TOPAZ1: variants seen among roughly 807,000 people sequenced by gnomAD.
The protein encoded by TOPAZ1 is testis and ovary specific TOPAZ 1.
TOPAZ1 carries 66 observed loss-of-function variants against 172.2 expected under a neutral mutation model. The observed-to-expected ratio is 0.38, with a 90% confidence interval of 0.31 to 0.47. TOPAZ1 has a LOEUF of 0.47. Ranked by LOEUF, TOPAZ1 falls within the 20% of genes least tolerant of loss-of-function variation. The pLI is 0.99. For missense variants in TOPAZ1, 1,822 were observed against 1,972.4 expected, an observed-to-expected ratio of 0.92 and a Z score of 1.44; for synonymous variants, 681 against 683.9, an observed-to-expected ratio of 1.00 and a Z score of 0.07.
chr3:44,277,587 G>A (rs1699974345), intron 8 of TOPAZ1, among the ~76,000 whole-genome samples: 1 of 152,128 alleles, frequency 6.6e-6, no homozygotes, highest in Admixed American at 6.5e-5. Flanking sequence ...GTTAGCTGCA[G>A]GTTTGCCTTA....
intron 12 of TOPAZ1, among the ~76,000 whole-genome samples, chr3:44,298,906 TATA>T (rs1312779622): frequency 3.7e-4 from 5 of 13,548 alleles, no homozygotes; most frequent in African/African-American, 2.0e-3. Context: ...TATATATATA[TATA>T]TTTTTTTTTT....
At chr3:44,286,942 G>A (rs1200900569) in intron 9 of TOPAZ1, among the ~76,000 whole-genome samples, 1 of 152,178 alleles carries the variant, frequency 6.6e-6, no homozygotes, top group African/African-American at 2.4e-5. Context: ...TCCATGACAA[G>A]GCAGGGAGAA....
At chr3:44,274,007 C>T (rs1158459304) in intron 8 of TOPAZ1, among the ~76,000 whole-genome samples, 3 of 152,028 alleles carry the variant, frequency 2.0e-5, no homozygotes, top group East Asian at 1.9e-4. Context: ...AGGCCCAGCG[C>T]GGTGGCTCAT....
At chr3:44,293,820 G>A (rs1700166286) in intron 12 of TOPAZ1, among the ~76,000 whole-genome samples, 1 of 152,194 alleles carries the variant, frequency 6.6e-6, no homozygotes, top group Admixed American at 6.5e-5. Context: ...TTGCAGGTTG[G>A]TAGCCTAGGA....
Position 44,242,922 on chromosome 3 carries a change from A to C in TOPAZ1, c.416A>C (p.Lys139Thr). The change falls in exon 2 of 20, where the codon AAG becomes ACG. Residue 139 changes from lysine to threonine, a missense_variant. Lys to Thr is a moderately conservative substitution (Grantham distance 78). This residue lies in a region of TOPAZ1 where 1,489 missense variants were observed against 1,490.8 expected (regional missense o/e 1.00). Transcript: ENST00000309765. ...DPQPGLDLVR[K>T]ESLTSSESFQ... ...CAGCCAGGGCTTGACTTGGTAAGAA[A>C]GGAATCATTAACCAGTTCGGAATCT... The C allele has an allele frequency of 6.5e-7, 1 of 1,546,502 alleles. No homozygotes were observed. The highest frequency in any genetic ancestry group is 2.4e-5 in the East Asian group (1 of 40,888).
At position 44,244,982 on chromosome 3, in the gene TOPAZ1, CA is replaced by C; in HGVS notation, c.2478del (p.Glu827LysfsTer15). On this transcript the variant is annotated frameshift_variant, in exon 2 of 20. Transcript: ENST00000309765. LOFTEE classifies it high-confidence loss of function. ...AAGTCCTTCCTTCTGCTGTAATGAA[CA>C]AGAAACATTCCGACCAGTGTCCAGT... ...EKSPSFCCNE[Q>X]ETFRPVSSEV... 1 of 1,551,664 alleles carries C rather than the reference CA, an allele frequency of 6.4e-7. No homozygotes were observed. Among genetic ancestry groups the C allele is most frequent in the Non-Finnish European group, 8.7e-7 (1 of 1,146,988 alleles).
chr3:44,242,395 A>G lies in TOPAZ1; in HGVS notation c.342A>G (p.Arg114=), dbSNP rs762900653. 6.4e-7 allele frequency: 1 copy of G among 1,552,326 alleles called. No individual in the cohort carries two copies. The highest frequency in any genetic ancestry group is 1.2e-5 in the South Asian group (1 of 84,056). Residue 114 remains arginine, a synonymous_variant, in exon 1 of 20, where the codon AGA becomes AGG. Transcript: ENST00000309765. ...CTGAACTCCCCTTGCAAACGGAAAG[A>G]CACAGTAAGAAAGCATCCACGATCA... The part of the protein sequence containing the change: ...KEAELPLQTE[R]HTKEKRKVTE...
chr3:44,245,398 T>C, intron 2 of TOPAZ1, 127 bp downstream of exon 2: 1 of 958,050 alleles, frequency 1.0e-6, no homozygotes, highest in South Asian at 2.3e-5. Flanking sequence ...ATTTATTAAA[T>C]GTTATATACC....
chr3:44,290,613 T>C (rs1341288948), intron 11 of TOPAZ1, among the ~76,000 whole-genome samples, 158 bp from the exon 12 acceptor site: 2 of 152,246 alleles, frequency 1.3e-5, no homozygotes, highest in South Asian at 2.1e-4. Flanking sequence ...AGGATATCTT[T>C]TTGTGGTTCT....
At chr3:44,299,993 C>A (rs1700251005) in intron 12 of TOPAZ1, among the ~76,000 whole-genome samples, 1 of 150,814 alleles carries the variant, frequency 6.6e-6, no homozygotes, top group Non-Finnish European at 1.5e-5. Flanking sequence ...AGGAGATATA[C>A]CTAATGCTAA....
chr3:44,259,685 A>T (rs1008366989), intron 4 of TOPAZ1, among the ~76,000 whole-genome samples: 4 of 152,174 alleles, frequency 2.6e-5, no homozygotes, highest in African/African-American at 9.6e-5. Flanking sequence ...GATTGCTTTG[A>T]TTTATACTTT....
intron 16 of TOPAZ1, among the ~76,000 whole-genome samples, chr3:44,311,370 A>C (rs373540953): frequency 5.3e-5 from 8 of 152,296 alleles, no homozygotes; most frequent in African/African-American, 1.9e-4. Context: ...CTGTGAAGAA[A>C]GAAGCGATGT....
At chr3:44,314,313 T>C (rs1158053352) in intron 16 of TOPAZ1, among the ~76,000 whole-genome samples, 1 of 152,218 alleles carries the variant, frequency 6.6e-6, no homozygotes, top group Admixed American at 6.5e-5. Context: ...TTGGTCTGTT[T>C]TCTGAATTTA....
intron 18 of TOPAZ1, among the ~76,000 whole-genome samples, chr3:44,327,117 C>T (rs865860947): frequency 6.6e-6 from 1 of 152,108 alleles, no homozygotes; most frequent in South Asian, 2.1e-4. Context: ...AAAAGCCCCT[C>T]GTCTATAACA....
At chr3:44,311,185 T>A (rs538836689) in intron 16 of TOPAZ1, among the ~76,000 whole-genome samples, 1 of 152,250 alleles carries the variant, frequency 6.6e-6, no homozygotes, top group South Asian at 2.1e-4. Context: ...ATAAAATATC[T>A]TGTATATGTT....
chr3:44,271,188 T>C (rs1699893948), intron 8 of TOPAZ1, among the ~76,000 whole-genome samples: 1 of 152,204 alleles, frequency 6.6e-6, no homozygotes, highest in African/African-American at 2.4e-5. Flanking sequence ...TGCTGTGTCA[T>C]AGGGTCTGCA....
intron 9 of TOPAZ1, 70 bp downstream of exon 9, chr3:44,282,101 C>A: frequency 1.8e-6 from 2 of 1,081,932 alleles, no homozygotes; most frequent in South Asian, 3.1e-5. Context: ...AAAGTAAATT[C>A]AATAATTTGT....
Position 44,243,827 on chromosome 3 carries a change from G to C in TOPAZ1, c.1321G>C (p.Ala441Pro). 1 of 1,551,694 alleles carries C rather than the reference G, an allele frequency of 6.4e-7. No individual in the cohort carries two copies. Among genetic ancestry groups the C allele is most frequent in the Non-Finnish European group, 8.7e-7 (1 of 1,146,978 alleles). The change falls in exon 2 of 20, where the codon GCA becomes CCA. Residue 441 changes from alanine to proline, a missense_variant. Around this residue, in one of 2 missense-constraint regions of TOPAZ1, gnomAD observed 1,489 missense variants for 1,490.8 expected, o/e 1.00. Coordinates refer to ENST00000309765, the MANE Select transcript of TOPAZ1 (RefSeq NM_001145030.2). The part of the protein sequence containing the change: ...ASEPLGYESM[A>P]SKEDFKSMKS... ...AGAGCCGTTAGGTTATGAAAGCATGGCATCGAAAGAGGATTTTAAATCGAT... is the reference window on the plus strand; with the variant it reads ...AGAGCCGTTAGGTTATGAAAGCATGCCATCGAAAGAGGATTTTAAATCGAT...
At chr3:44,248,852 A>G (rs989316686) in intron 2 of TOPAZ1, among the ~76,000 whole-genome samples, 7 of 152,336 alleles carry the variant, frequency 4.6e-5, no homozygotes, top group South Asian at 4.1e-4. Flanking sequence ...AGCTGACTTA[A>G]TCACTGGGGA....
Sources: allele counts gnomAD v4.1 joint callset (sites outside exome capture counted in the v4.1 genomes callset), GRCh38; gene constraint gnomAD v4.1.1; regional missense constraint gnomAD v4.1.1; transcripts MANE v1.5; gene names NCBI Gene and HGNC (gene_info 2026-07-23, HGNC 2026-07-21).